The following NCKAP5 variants were observed in gnomAD, a reference collection of about 807,000 sequenced individuals.
The protein encoded by NCKAP5 is nck-associated protein 5.
In NCKAP5, 92 loss-of-function variants were observed where a neutral mutation model predicts 167.0. That is an observed-to-expected ratio of 0.55 (90% confidence interval 0.47 to 0.66). NCKAP5 has a LOEUF of 0.66. NCKAP5 is among the 30% of genes least tolerant of loss of function. NCKAP5 has a pLI of 0.00. For missense variants in NCKAP5, 2,378 were observed against 2,315.0 expected, an observed-to-expected ratio of 1.03 and a Z score of -0.56; for synonymous variants, 891 against 877.4, an observed-to-expected ratio of 1.02 and a Z score of -0.27.
At chr2:133,216,151 CA>C (rs1173269292) in intron 4 of NCKAP5, among the ~76,000 whole-genome samples, 2 of 152,072 alleles carry the variant, frequency 1.3e-5, no homozygotes, top group East Asian at 3.9e-4. Flanking sequence ...AATATTATTA[CA>C]CTGTCAAAAT....
At chr2:133,014,314 T>C (rs1376115968) in intron 6 of NCKAP5, among the ~76,000 whole-genome samples, 1 of 152,196 alleles carries the variant, frequency 6.6e-6, no homozygotes, top group Non-Finnish European at 1.5e-5. Flanking sequence ...CTTTCCTGCC[T>C]CCAGATCTAC....
chr2:133,083,788 A>C (rs527418901), intron 6 of NCKAP5, among the ~76,000 whole-genome samples: 2 of 152,274 alleles, frequency 1.3e-5, no homozygotes, highest in South Asian at 4.1e-4. Flanking sequence ...GAGTCACCGC[A>C]ATCTAAGGTG....
chr2:133,520,030 A>T (rs909904367), intron 2 of NCKAP5, among the ~76,000 whole-genome samples: 5 of 143,016 alleles, frequency 3.5e-5, no homozygotes, highest in Admixed American at 1.4e-4. Context: ...TACTAAAAAT[A>T]AAAAAAAAAA....
intron 4 of NCKAP5, among the ~76,000 whole-genome samples, chr2:133,214,189 C>G (rs957467951): frequency 6.6e-5 from 10 of 152,164 alleles, no homozygotes; most frequent in African/African-American, 2.4e-4. Context: ...AAATATAACT[C>G]CTTACTACTT....
intron 3 of NCKAP5, among the ~76,000 whole-genome samples, chr2:133,465,561 C>T (rs888833043): frequency 5.3e-5 from 8 of 152,116 alleles, no homozygotes; most frequent in Admixed American, 2.6e-4. Context: ...ATTTCCAGTT[C>T]TAGATCCCTG....
the NCKAP5 span, among the ~76,000 whole-genome samples, chr2:133,620,132 C>G: frequency 6.6e-6 from 1 of 151,538 alleles, no homozygotes. Context: ...AAAACAGAAC[C>G]TCCTTGAAAC....
intron 7 of NCKAP5, among the ~76,000 whole-genome samples, chr2:132,993,025 C>T (rs2077491118): frequency 6.6e-6 from 1 of 152,112 alleles, no homozygotes; most frequent in Admixed American, 6.5e-5. Context: ...TAACATATTC[C>T]TCCCAATCCC....
At chr2:132,743,222 T>C (rs976760561) in intron 16 of NCKAP5, among the ~76,000 whole-genome samples, 1 of 151,754 alleles carries the variant, frequency 6.6e-6, no homozygotes. Flanking sequence ...GAAACATAGA[T>C]GGAATACAAA....
At position 132,864,677 on chromosome 2, in the gene NCKAP5, C is replaced by T. The variant is rs75786257; in HGVS notation, c.688-4066G>A. ...TTGTTATCAGCTCTAGGCTGAAGTA[C>T]ATTTTTTAAAATGCTGATTGCTTAG... On this transcript the variant is annotated intron_variant, in intron 10 of 19. Coordinates refer to ENST00000409261, the MANE Select transcript of NCKAP5 (RefSeq NM_207363.3). 5.8e-3 allele frequency among the ~76,000 whole-genome samples: 886 copies of T among 152,288 alleles called. 7 individuals are homozygous for T. Among genetic ancestry groups the T allele is most frequent in the African/African-American group, 0.02 (811 of 41,540 alleles).
At chr2:133,069,052 G>A (rs188164200) in intron 6 of NCKAP5, among the ~76,000 whole-genome samples, 2 of 152,300 alleles carry the variant, frequency 1.3e-5, no homozygotes, top group East Asian at 1.9e-4. Flanking sequence ...ACGTTATGGT[G>A]CAAAACTGTA....
rs888867339 is a variant in NCKAP5, at chr2:132,849,141, T to C, written c.807+11351A>G. Among the ~76,000 whole-genome samples the C allele has an allele frequency of 2.0e-5, 3 of 152,198 alleles. No homozygotes were observed. In the East Asian group the frequency reaches 5.8e-4, roughly 29 times the overall value. On this transcript the variant is annotated intron_variant, in intron 11 of 19. Coordinates refer to ENST00000409261, the MANE Select transcript of NCKAP5 (RefSeq NM_207363.3). ...TAATAGACAGGCTTCGCAGGGTCCCTGAATATCTTGAAGTTACAAGCTAAT... is the reference window on the plus strand; with the variant it reads ...TAATAGACAGGCTTCGCAGGGTCCCCGAATATCTTGAAGTTACAAGCTAAT...
chr2:133,152,009 T>C (rs996684266), intron 5 of NCKAP5, among the ~76,000 whole-genome samples: 1 of 151,952 alleles, frequency 6.6e-6, no homozygotes, highest in African/African-American at 2.4e-5. Flanking sequence ...TTGCAGAAAC[T>C]TGAAAGGAAT....
At chr2:132,799,814 G>A (rs1374880882) in intron 11 of NCKAP5, among the ~76,000 whole-genome samples, 2 of 150,524 alleles carry the variant, frequency 1.3e-5, no homozygotes, top group African/African-American at 4.9e-5. Flanking sequence ...TATATTTATG[G>A]GGGTGCATGT....
At chr2:132,986,260 CT>C (rs1411772785) in intron 7 of NCKAP5, among the ~76,000 whole-genome samples, 6 of 152,266 alleles carry the variant, frequency 3.9e-5, no homozygotes, top group Admixed American at 3.9e-4. Flanking sequence ...GTGAACTTCA[CT>C]TCAACTCTAT....
chr2:133,613,882 G>C, the NCKAP5 span, among the ~76,000 whole-genome samples: 15 of 152,212 alleles, frequency 9.9e-5, no homozygotes, highest in African/African-American at 3.4e-4. Context: ...TTAGAAAACA[G>C]TACTCCTTTT....
At chr2:133,661,909 A>G in the NCKAP5 span, among the ~76,000 whole-genome samples, 2 of 152,164 alleles carry the variant, frequency 1.3e-5, no homozygotes, top group Non-Finnish European at 2.9e-5. Flanking sequence ...AGAATAGATA[A>G]ACATCTGGAC....
intron 6 of NCKAP5, among the ~76,000 whole-genome samples, chr2:133,102,429 G>A (rs2081545327): frequency 6.6e-6 from 1 of 152,164 alleles, no homozygotes; most frequent in Admixed American, 6.5e-5. Flanking sequence ...TTACAGGCAT[G>A]AGCCATCACG....
rs1358401806 is a variant in NCKAP5 at position 133,559,133 on chromosome 2, A to G, written c.-129-16T>C. On this transcript the variant is annotated splice_polypyrimidine_tract_variant and intron_variant, in intron 1 of 19. Coordinates refer to ENST00000409261, the MANE Select transcript of NCKAP5 (RefSeq NM_207363.3). ...CACGATGAACCTGTAAGAAGGTAAT[A>G]TAATCTAAATATGTGGCTCAAATAA... The G allele has an allele frequency of 1.3e-5, 2 of 152,216 alleles. No individual in the cohort carries two copies. Among genetic ancestry groups the G allele is most frequent in the Non-Finnish European group, 2.9e-5 (2 of 68,030 alleles). The allele number at this position is 152,216 out of a possible 1,614,324, so 9.4% of individuals were successfully genotyped here.
At chr2:132,934,045 C>T (rs899754964) in intron 8 of NCKAP5, among the ~76,000 whole-genome samples, 1 of 152,162 alleles carries the variant, frequency 6.6e-6, no homozygotes, top group African/African-American at 2.4e-5. Context: ...ATCTTTGAAA[C>T]AAGTATTTCA....
Sources: allele counts gnomAD v4.1 joint callset (sites outside exome capture counted in the v4.1 genomes callset), GRCh38; gene constraint gnomAD v4.1.1; transcripts MANE v1.5; gene names NCBI Gene and HGNC (gene_info 2026-07-23, HGNC 2026-07-21).